Variants in SEPTIN2 observed in about 807,000 individuals in gnomAD.
SEPTIN2 encodes the protein septin 2, also known as septin-2.
In SEPTIN2, 34 loss-of-function variants were observed where a neutral mutation model predicts 46.5. That is an observed-to-expected ratio of 0.73 (90% CI 0.56 to 0.97). The LOEUF (loss-of-function observed/expected upper bound fraction) is 0.97. Ranked by LOEUF, SEPTIN2 falls within the 50% of genes least tolerant of loss-of-function variation. SEPTIN2 has a pLI of 0.00. For missense variants in SEPTIN2, 347 were observed against 448.4 expected (o/e 0.77, Z 2.04); for synonymous variants, 175 against 153.4 (o/e 1.14, Z -1.04).
At chr2:241,331,201 C>G (rs1186016722) in intron 3 of SEPTIN2, among the ~76,000 whole-genome samples, 1 of 152,120 alleles carries the variant, frequency 6.6e-6, no homozygotes, top group Non-Finnish European at 1.5e-5. Flanking sequence ...AGAAAAAAAT[C>G]ACAAACAAGA....
intron 5 of SEPTIN2, chr2:241,336,911 T>A (rs1048085379): frequency 6.1e-6 from 1 of 164,190 alleles, no homozygotes; most frequent in Non-Finnish European, 1.4e-5. Context: ...CTGGCCAACA[T>A]GGTGAAACCC....
At position 241,318,133 on chromosome 2, in the gene SEPTIN2, CA is replaced by C. The variant is rs564506012; in HGVS notation, c.-18+2152del. On this transcript the variant is annotated intron_variant, in intron 1 of 12. Coordinates refer to ENST00000391971, the MANE Select transcript of SEPTIN2 (RefSeq NM_004404.5). ...AAGTTATGTTTCAGAAAAAAAAAAACAGGAAAAAAAAAAGATGGCAGGAGAA... is the reference window on the plus strand; with the variant it reads ...AAGTTATGTTTCAGAAAAAAAAAAACGGAAAAAAAAAAGATGGCAGGAGAA... 6 of 144,998 alleles carry C rather than the reference CA, an allele frequency of 4.1e-5. No homozygotes were observed. The South Asian group carries it at 1.3e-3, about 31-fold the overall frequency. 9.0% of individuals were successfully genotyped at this position (144,998 alleles called of 1,614,324 possible). A position where few individuals can be genotyped will look rare whatever the true frequency, so the allele number is the denominator to read the frequency against.
chr2:241,349,972 G>T, intron 11 of SEPTIN2, 101 bp from the exon 12 acceptor site: 1 of 1,085,916 alleles, frequency 9.2e-7, no homozygotes. Flanking sequence ...CATATTTTGG[G>T]AAGGTGTAGA....
intron 1 of SEPTIN2, among the ~76,000 whole-genome samples, chr2:241,321,409 T>C (rs1301301794): frequency 6.6e-6 from 1 of 152,218 alleles, no homozygotes; most frequent in Non-Finnish European, 1.5e-5. Context: ...TCCCTGTTAT[T>C]CTGCTTATTT....
chr2:241,335,286 A>G (rs774529443), intron 4 of SEPTIN2, 74 bp downstream of exon 4: 2 of 1,575,274 alleles, frequency 1.3e-6, no homozygotes, highest in Non-Finnish European at 8.6e-7. Flanking sequence ...TTAATATTTT[A>G]TGTCTTAGCT....
At position 241,353,378 on chromosome 2, in the gene SEPTIN2, C is replaced by G. The variant is rs188967521; in HGVS notation, c.*1441C>G. 1 of 152,262 alleles carries G rather than the reference C, an allele frequency of 6.6e-6. No homozygotes were observed. The highest frequency in any genetic ancestry group is 6.5e-5 in the Admixed American group (1 of 15,290). The allele number at this position is 152,262 out of a possible 1,614,324, so 9.4% of individuals were successfully genotyped here. A position where few individuals can be genotyped will look rare whatever the true frequency, so the allele number is the denominator to read the frequency against. On this transcript the variant is annotated 3_prime_UTR_variant, in exon 13 of 13. Coordinates refer to ENST00000391971, the MANE Select transcript of SEPTIN2 (RefSeq NM_004404.5). ...TCATTTCTACTGAAGTTGGGAAATT[C>G]AACCCCAGAAATTGACAGATGAAAG...
intron 11 of SEPTIN2, among the ~76,000 whole-genome samples, chr2:241,349,774 T>C (rs939271285): frequency 6.6e-6 from 1 of 152,170 alleles, no homozygotes; most frequent in African/African-American, 2.4e-5. Flanking sequence ...TGAGCCGAGA[T>C]TGCGCCACTG....
intron 3 of SEPTIN2, among the ~76,000 whole-genome samples, chr2:241,333,275 A>G (rs894789864): frequency 2.0e-5 from 3 of 152,180 alleles, no homozygotes; most frequent in African/African-American, 7.2e-5. Flanking sequence ...TAAATGAGAG[A>G]CTATTGAAGA....
intron 9 of SEPTIN2, among the ~76,000 whole-genome samples, chr2:241,344,656 T>C (rs2081747108): frequency 6.6e-6 from 1 of 152,078 alleles, no homozygotes; most frequent in South Asian, 2.1e-4. Flanking sequence ...TGAGCCAAGA[T>C]TGCACCACTG....
chr2:241,348,124 C>T lies in SEPTIN2; in HGVS notation c.927-10C>T, dbSNP rs377645701. ...GCAGTGTTATGATTCTGATTTCTTTCGATTCTTAGGAAAGTGGAGAATGAG... is the reference window on the plus strand; with the variant it reads ...GCAGTGTTATGATTCTGATTTCTTTTGATTCTTAGGAAAGTGGAGAATGAG... On this transcript the variant is annotated splice_polypyrimidine_tract_variant and intron_variant, in intron 10 of 12. Transcript: ENST00000391971. 5.7e-5 allele frequency: 91 copies of T among 1,607,660 alleles called. No individual in the cohort carries two copies. Among genetic ancestry groups the T allele is most frequent in the Non-Finnish European group, 7.2e-5 (85 of 1,176,358 alleles).
intron 1 of SEPTIN2, chr2:241,317,499 C>G (rs2076529463): frequency 2.0e-6 from 2 of 981,120 alleles, no homozygotes; most frequent in Non-Finnish European, 1.2e-6. Context: ...CCAATACCAG[C>G]ATACAGAAAC....
At chr2:241,332,302 A>G (rs2079126480) in intron 3 of SEPTIN2, among the ~76,000 whole-genome samples, 1 of 152,270 alleles carries the variant, frequency 6.6e-6, no homozygotes, top group African/African-American at 2.4e-5. Context: ...TGTCCAGAAT[A>G]TATAAAAATA....
Position 241,345,736 on chromosome 2 carries a change from T to A in SEPTIN2, c.843-430T>A, listed in dbSNP as rs74783204. On this transcript the variant is annotated intron_variant, in intron 9 of 12. Coordinates refer to ENST00000391971, the MANE Select transcript of SEPTIN2 (RefSeq NM_004404.5). The stretch of plus-strand genomic sequence containing the variant: ...AGCTAACCAACTCTTTTTTCTCATA[T>A]GAGAGTAATATATAAATTTTGAGTT... Among the ~76,000 whole-genome samples the A allele has an allele frequency of 9.2e-3, 1,394 of 152,316 alleles. 30 individuals are homozygous for A. Among genetic ancestry groups the A allele is most frequent in the Non-Finnish European group, 7.9e-3 (536 of 68,026 alleles).
At chr2:241,315,695 C>T (rs1026795711), upstream of SEPTIN2, 12 of 152,446 alleles carry the variant, frequency 7.9e-5, no homozygotes, top group African/African-American at 2.9e-4. Context: ...CACCCCCAGC[C>T]TCTATATGGC....
chr2:241,321,726 C>G (rs2149843299), intron 1 of SEPTIN2, among the ~76,000 whole-genome samples: 1 of 152,204 alleles, frequency 6.6e-6, no homozygotes, highest in South Asian at 2.1e-4. Context: ...CTTCTTGTTC[C>G]TTTTCCATAT....
intron 1 of SEPTIN2, among the ~76,000 whole-genome samples, chr2:241,323,704 G>GC (rs1293663604): frequency 6.6e-6 from 1 of 152,170 alleles, no homozygotes; most frequent in East Asian, 1.9e-4. Context: ...CAGAGTGTAA[G>GC]CGAGCTACAC....
intron 3 of SEPTIN2, among the ~76,000 whole-genome samples, 199 bp downstream of exon 3, chr2:241,326,312 A>G (rs567422923): frequency 1.3e-5 from 2 of 152,322 alleles, no homozygotes; most frequent in East Asian, 1.9e-4. Context: ...TTTCTTATTT[A>G]TATGTAGTGA....
rs151256199 is a variant in SEPTIN2 at position 241,343,033 on chromosome 2, C to G, written c.636C>G (p.His212Gln). 8.1e-6 allele frequency: 13 copies of G among 1,610,786 alleles called. No individual in the cohort carries two copies. Among genetic ancestry groups the G allele is most frequent in the African/African-American group, 4.0e-5 (3 of 74,822 alleles). Residue 212 changes from histidine (H) to glutamine (Q), a missense_variant, in exon 8 of 13, where the codon CAC (histidine) becomes CAG (glutamine). Transcript: ENST00000391971. ...AAGAACATAACATCAAAATCTATCA[C>G]TTACCTGATGCAGAATCAGATGAAG... ...EIEEHNIKIY[H>Q]LPDAESDEDE... is the part of the protein sequence containing the mutation.
At chr2:241,332,502 C>T (rs1464008842) in intron 3 of SEPTIN2, among the ~76,000 whole-genome samples, 1 of 152,126 alleles carries the variant, frequency 6.6e-6, no homozygotes, top group Non-Finnish European at 1.5e-5. Flanking sequence ...GCAGGCACTC[C>T]AGGTGTCAGC....
Sources: allele counts gnomAD v4.1 joint callset (sites outside exome capture counted in the v4.1 genomes callset), GRCh38; gene constraint gnomAD v4.1.1; transcripts MANE v1.5; gene names NCBI Gene and HGNC (gene_info 2026-07-23, HGNC 2026-07-21).